Variants in STX17 observed in about 807,000 individuals in gnomAD.
STX17 encodes the protein syntaxin-17.
Under a neutral mutation model 35.9 loss-of-function variants are expected in STX17, and 29 were observed. The observed-to-expected ratio is 0.81, with a 90% confidence interval of 0.60 to 1.10. The LOEUF (loss-of-function observed/expected upper bound fraction) is 1.10, where lower values mean the gene tolerates loss of function less well. Among genes scored for constraint, STX17 ranks in the 50% least tolerant of loss-of-function variants. The probability of loss-of-function intolerance (pLI) is 0.00; values close to 1 mark genes in which losing one functional copy is unlikely to be tolerated. For missense variants in STX17, 312 were observed against 352.3 expected, an observed-to-expected ratio of 0.89 and a Z score of 0.92; for synonymous variants, 92 against 118.3, an observed-to-expected ratio of 0.78 and a Z score of 1.44.
chr9:99,919,781 G>A (rs1163955406), intron 2 of STX17, among the ~76,000 whole-genome samples: 4 of 152,140 alleles, frequency 2.6e-5, no homozygotes, highest in Non-Finnish European at 5.9e-5. Flanking sequence ...ATATGTAAAA[G>A]ATAGATTTTT....
intron 2 of STX17, among the ~76,000 whole-genome samples, chr9:99,920,176 G>T (rs1397545593): frequency 6.6e-6 from 1 of 152,138 alleles, no homozygotes; most frequent in Non-Finnish European, 1.5e-5. Context: ...GTCAGTGTTT[G>T]GTTACCAGTG....
intron 1 of STX17, chr9:99,907,154 C>T (rs961757073): frequency 2.0e-5 from 3 of 152,336 alleles, no homozygotes; most frequent in African/African-American, 7.2e-5. Context: ...TAGTGAGGCT[C>T]GGAGGACTGG....
intron 2 of STX17, among the ~76,000 whole-genome samples, chr9:99,916,890 TC>T (rs969086995): frequency 3.3e-5 from 5 of 152,132 alleles, no homozygotes; most frequent in African/African-American, 9.7e-5. Context: ...ATTTCCTTTT[TC>T]TTATGTTTAT....
At position 99,927,849 on chromosome 9, in the gene STX17, G is replaced by T. The variant is rs140105287; in HGVS notation, c.124-929G>T. ...TGTAAAAATTTTAGGAGTATCAAAA[G>T]AAGTTTTTGCTACATCATTCTTTAC... On this transcript the variant is annotated intron_variant, in intron 2 of 7. Coordinates refer to ENST00000259400, the MANE Select transcript of STX17 (RefSeq NM_017919.3). Among the ~76,000 whole-genome samples, 1,365 of 152,290 alleles carry T rather than the reference G, an allele frequency of 9.0e-3. 18 individuals carry two copies. Among genetic ancestry groups the T allele is most frequent in the Middle Eastern group, 0.044 (13 of 294 alleles).
intron 1 of STX17, among the ~76,000 whole-genome samples, chr9:99,908,767 G>C (rs1482777190): frequency 6.6e-6 from 1 of 152,076 alleles, no homozygotes; most frequent in Admixed American, 6.5e-5. Flanking sequence ...ACAAAGATCT[G>C]TGCTCTAGGG....
At chr9:99,914,337 C>G (rs2118302657) in intron 1 of STX17, among the ~76,000 whole-genome samples, 1 of 152,242 alleles carries the variant, frequency 6.6e-6, no homozygotes, top group South Asian at 2.1e-4. Flanking sequence ...TATATAAGCT[C>G]TGATAAGCTC....
intron 6 of STX17, among the ~76,000 whole-genome samples, chr9:99,964,681 A>G (rs1829883109): frequency 6.6e-6 from 1 of 152,074 alleles, no homozygotes; most frequent in Admixed American, 6.6e-5. Flanking sequence ...ACCACCATTA[A>G]TGTTTAGAGC....
intron 3 of STX17, among the ~76,000 whole-genome samples, chr9:99,946,552 A>G (rs966382585): frequency 1.3e-5 from 2 of 152,106 alleles, no homozygotes; most frequent in Non-Finnish European, 2.9e-5. Context: ...AGATTTACCC[A>G]CTTTTTAGCA....
At chr9:99,933,218 T>C (rs1829161144) in intron 3 of STX17, among the ~76,000 whole-genome samples, 1 of 152,182 alleles carries the variant, frequency 6.6e-6, no homozygotes, top group Non-Finnish European at 1.5e-5. Flanking sequence ...CTGAAGCACA[T>C]TGTAATTCCA....
intron 1 of STX17, among the ~76,000 whole-genome samples, chr9:99,911,296 G>A (rs1828659206): frequency 6.6e-6 from 1 of 152,116 alleles, no homozygotes; most frequent in African/African-American, 2.4e-5. Context: ...ACCTCCCAAA[G>A]TGCTGGGATT....
chr9:99,948,428 T>C (rs1829526693), intron 3 of STX17, among the ~76,000 whole-genome samples: 3 of 152,252 alleles, frequency 2.0e-5, no homozygotes, highest in Middle Eastern at 3.4e-3. Context: ...GTGTGTGATT[T>C]GCATTATGTT....
intron 1 of STX17, among the ~76,000 whole-genome samples, chr9:99,912,086 C>T (rs930481907): frequency 2.0e-5 from 3 of 152,166 alleles, no homozygotes; most frequent in East Asian, 3.9e-4. Flanking sequence ...ATTAGCTGGG[C>T]GTGGTGGCAT....
At position 99,936,697 on chromosome 9, in the gene STX17, A is replaced by G. The variant is rs577397781; in HGVS notation, c.189+7854A>G. Among the ~76,000 whole-genome samples, 3 of 152,336 alleles carry G rather than the reference A, an allele frequency of 2.0e-5. No individual in the cohort carries two copies. The South Asian group carries it at 6.2e-4, about 32-fold the overall frequency. On this transcript the variant is annotated intron_variant, in intron 3 of 7. Transcript: ENST00000259400. The stretch of plus-strand genomic sequence containing the variant: ...ATTTCACATATGTTTAAGAAACTTA[A>G]CAATACACCTATATTTCTCCTCTAC...
At position 99,970,490 on chromosome 9, in the gene STX17, C is replaced by G. The variant is rs1829999773; in HGVS notation, c.*1817C>G. On this transcript the variant is annotated 3_prime_UTR_variant, in exon 8 of 8. Coordinates refer to ENST00000259400, the MANE Select transcript of STX17 (RefSeq NM_017919.3). Reference sequence around the variant, plus strand: ...GGATAATTACTTTTGAATTACACCTCTTCTCTAGTTTCTGGACCTTGCTCT... The same window carrying G: ...GGATAATTACTTTTGAATTACACCTGTTCTCTAGTTTCTGGACCTTGCTCT... The G allele has an allele frequency of 1.3e-5, 2 of 152,162 alleles. No homozygotes were observed. The highest frequency in any genetic ancestry group is 4.8e-5 in the African/African-American group (2 of 41,426). The allele number at this position is 152,162 out of a possible 1,614,324, so 9.4% of individuals were successfully genotyped here.
chr9:99,960,253 A>T, intron 6 of STX17, 98 bp downstream of exon 6: 1 of 1,254,412 alleles, frequency 8.0e-7, no homozygotes, highest in Non-Finnish European at 1.1e-6. Context: ...AATAGAACTT[A>T]TAATTTTTAA....
rs147346454 is a variant in STX17, at chr9:99,908,497, T to G, written c.-63+1791T>G. ...TGTATCCATGTGGACTTAGATGTTT[T>G]TCTATTGGTTGTTATCCTACACTTG... On this transcript the variant is annotated intron_variant, in intron 1 of 7. Coordinates refer to ENST00000259400, the MANE Select transcript of STX17 (RefSeq NM_017919.3). Among the ~76,000 whole-genome samples, 336 of 152,374 alleles carry G rather than the reference T, an allele frequency of 2.2e-3. 1 individual carries two copies. Among genetic ancestry groups the G allele is most frequent in the Non-Finnish European group, 3.8e-3 (257 of 68,038 alleles).
intron 3 of STX17, among the ~76,000 whole-genome samples, chr9:99,932,638 G>T (rs1304615875): frequency 6.6e-6 from 1 of 152,080 alleles, no homozygotes; most frequent in Non-Finnish European, 1.5e-5. Flanking sequence ...CAAAGTATTT[G>T]TTTACTGATT....
chr9:99,967,755 T>C lies in STX17; in HGVS notation c.669+16T>C. ...CTTAGGGAAGGTAAGATTCTGCTCC[T>C]GCTGACAAATCAATGGTACTCTGGC... On this transcript the variant is annotated intron_variant, in intron 7 of 7. Transcript: ENST00000259400. The C allele has an allele frequency of 1.9e-6, 3 of 1,610,454 alleles. No individual in the cohort carries two copies. Among genetic ancestry groups the C allele is most frequent in the Non-Finnish European group, 2.5e-6 (3 of 1,176,712 alleles).
At chr9:99,929,042 C>G in intron 3 of STX17, 199 bp downstream of exon 3, 1 of 493,688 alleles carries the variant, frequency 2.0e-6, no homozygotes, top group South Asian at 2.7e-5. Context: ...AAATTTTCCT[C>G]CAGAAATGAT....
Sources: allele counts gnomAD v4.1 joint callset (sites outside exome capture counted in the v4.1 genomes callset), GRCh38; gene constraint gnomAD v4.1.1; transcripts MANE v1.5; gene names NCBI Gene and HGNC (gene_info 2026-07-23, HGNC 2026-07-21).